The following RNGTT variants were observed in gnomAD, a reference collection of about 807,000 sequenced individuals.
RNGTT encodes mRNA-capping enzyme.
In RNGTT, 33 loss-of-function variants were observed where a neutral mutation model predicts 79.3. The ratio of observed to expected loss-of-function variants is 0.42; its 90% confidence interval spans 0.32 to 0.56. The LOEUF (loss-of-function observed/expected upper bound fraction) is 0.56, where lower values mean the gene tolerates loss of function less well. RNGTT is among the 20% of genes least tolerant of loss of function. The pLI is 0.17. For synonymous variants in RNGTT, 222 were observed against 235.9 expected (o/e 0.94, Z 0.54); for missense variants, 497 against 739.1 (o/e 0.67, Z 3.80).
intron 8 of RNGTT, among the ~76,000 whole-genome samples, chr6:88,883,514 A>T (rs1782758358): frequency 1.3e-5 from 2 of 152,196 alleles, no homozygotes. Context: ...GATCAGCATG[A>T]CTCAGTTCCA....
At chr6:88,761,268 T>C (rs2127836289) in intron 13 of RNGTT, among the ~76,000 whole-genome samples, 1 of 152,064 alleles carries the variant, frequency 6.6e-6, no homozygotes, top group South Asian at 2.1e-4. Context: ...GGCACGTGGA[T>C]CACTTGAGGT....
intron 14 of RNGTT, among the ~76,000 whole-genome samples, chr6:88,644,669 T>G (rs1773467666): frequency 6.6e-6 from 1 of 152,222 alleles, no homozygotes; most frequent in South Asian, 2.1e-4. Flanking sequence ...CAAGTGGGCT[T>G]CATCCCTGGG....
At chr6:88,961,560 C>G (rs759314335) in intron 1 of RNGTT, among the ~76,000 whole-genome samples, 3 of 152,152 alleles carry the variant, frequency 2.0e-5, no homozygotes, top group Non-Finnish European at 4.4e-5. Context: ...CCTCGGCCTC[C>G]CGAGTAGCTG....
intron 13 of RNGTT, among the ~76,000 whole-genome samples, chr6:88,738,865 CA>C (rs1777372554): frequency 1.8e-4 from 27 of 151,814 alleles, no homozygotes; most frequent in Admixed American, 1.2e-3. Flanking sequence ...CACACACACA[CA>C]CACCCCTTCC....
At chr6:88,893,092 C>A (rs971480525) in intron 6 of RNGTT, among the ~76,000 whole-genome samples, 3 of 152,052 alleles carry the variant, frequency 2.0e-5, no homozygotes, top group Admixed American at 1.3e-4. Flanking sequence ...CTGTTTAAAA[C>A]CATTTTTATC....
rs1365966787 is a variant in RNGTT at position 88,610,403 on chromosome 6, C to G, written c.*2316G>C. 1 of 152,598 alleles carries G rather than the reference C, an allele frequency of 6.6e-6. No individual in the cohort carries two copies. The highest frequency in any genetic ancestry group is 1.5e-5 in the Non-Finnish European group (1 of 68,032). 9.5% of individuals were successfully genotyped at this position (152,598 alleles called of 1,614,324 possible). A position where few individuals can be genotyped will look rare whatever the true frequency, so the allele number is the denominator to read the frequency against. On this transcript the variant is annotated 3_prime_UTR_variant, in exon 16 of 16. Coordinates refer to ENST00000369485, the MANE Select transcript of RNGTT (RefSeq NM_003800.5). ...GCAGTAGAGTCATCCACACCTTTTC[C>G]TAACAAAAAGCAAAAGCTTTCACAT...
chr6:88,918,706 G>A (rs1438842174), intron 4 of RNGTT, among the ~76,000 whole-genome samples: 3 of 152,068 alleles, frequency 2.0e-5, no homozygotes, highest in Non-Finnish European at 4.4e-5. Flanking sequence ...TGCTTTGTAA[G>A]AAAAAGTGCT....
intron 4 of RNGTT, among the ~76,000 whole-genome samples, chr6:88,928,433 A>G (rs1186870318): frequency 6.6e-6 from 1 of 152,158 alleles, no homozygotes. Flanking sequence ...CCACACTAGA[A>G]TATGAGCTCT....
intron 14 of RNGTT, among the ~76,000 whole-genome samples, chr6:88,663,660 C>G (rs552131946): frequency 6.6e-6 from 1 of 152,170 alleles, no homozygotes; most frequent in Non-Finnish European, 1.5e-5. Flanking sequence ...AAGCCCACAG[C>G]CCCTGAGCCT....
chr6:88,673,255 A>G (rs921284720), intron 14 of RNGTT, among the ~76,000 whole-genome samples: 2 of 152,244 alleles, frequency 1.3e-5, no homozygotes, highest in Non-Finnish European at 2.9e-5. Flanking sequence ...GTTCTTAAGA[A>G]AAGCAAAGCA....
chr6:88,785,556 T>C (rs1411698549), intron 12 of RNGTT, among the ~76,000 whole-genome samples: 1 of 152,046 alleles, frequency 6.6e-6, no homozygotes, highest in Admixed American at 6.6e-5. Context: ...CCTTGGAAAA[T>C]TATATTTTTC....
At chr6:88,760,382 C>T (rs1216439083) in intron 13 of RNGTT, among the ~76,000 whole-genome samples, 2 of 152,192 alleles carry the variant, frequency 1.3e-5, no homozygotes, top group African/African-American at 2.4e-5. Context: ...CTCCTAGGCA[C>T]ACTGGAAGTA....
chr6:88,775,930 T>A (rs998582306), intron 12 of RNGTT, among the ~76,000 whole-genome samples: 9 of 152,328 alleles, frequency 5.9e-5, no homozygotes, highest in African/African-American at 2.2e-4. Flanking sequence ...ATTTCTTAAT[T>A]CATTGACCCA....
At chr6:88,931,323 G>C (rs1582145386) in intron 2 of RNGTT, among the ~76,000 whole-genome samples, 2 of 151,978 alleles carry the variant, frequency 1.3e-5, no homozygotes, top group African/African-American at 4.8e-5. Flanking sequence ...GTGCAGGGGA[G>C]AACACAGCAA....
At chr6:88,953,311 T>TA (rs1304794561) in intron 1 of RNGTT, among the ~76,000 whole-genome samples, 12 of 152,018 alleles carry the variant, frequency 7.9e-5, no homozygotes, top group African/African-American at 2.7e-4. Flanking sequence ...AAGACACACT[T>TA]AGAGAAATAC....
chr6:88,821,413 T>C (rs1780492683), intron 11 of RNGTT, among the ~76,000 whole-genome samples: 1 of 152,060 alleles, frequency 6.6e-6, no homozygotes, highest in Non-Finnish European at 1.5e-5. Flanking sequence ...CTGAAAAATA[T>C]GCTATGCTAA....
chr6:88,924,010 C>A (rs1186815833), intron 4 of RNGTT, among the ~76,000 whole-genome samples: 1 of 152,176 alleles, frequency 6.6e-6, no homozygotes, highest in East Asian at 1.9e-4. Context: ...GGGAGGGGTA[C>A]TCAAGTTATC....
At chr6:88,846,883 T>C (rs1781501824) in intron 10 of RNGTT, among the ~76,000 whole-genome samples, 1 of 152,116 alleles carries the variant, frequency 6.6e-6, no homozygotes, top group African/African-American at 2.4e-5. Context: ...GACTCAACTA[T>C]ACCCAGGGAA....
chr6:88,614,276 G>A lies in RNGTT; in HGVS notation c.1626C>T (p.Ala542=), dbSNP rs759672910. ...CTGGTAAGTTGTCATACTCACCCATGGCAGTGTTGTAGGCATTAGGAAAAC... is the reference window on the plus strand; with the variant it reads ...CTGGTAAGTTGTCATACTCACCCATAGCAGTGTTGTAGGCATTAGGAAAAC... The part of the protein sequence containing the change: ...DKSFPNAYNT[A]MAVCNSISNP... Residue 542 remains alanine (A), a synonymous_variant, in exon 15 of 16, where the codon GCC becomes GCT. Coordinates refer to ENST00000369485, the MANE Select transcript of RNGTT (RefSeq NM_003800.5). 1 of 1,613,712 alleles carries A rather than the reference G, an allele frequency of 6.2e-7. No homozygotes were observed. Among genetic ancestry groups the A allele is most frequent in the Non-Finnish European group, 8.5e-7 (1 of 1,179,710 alleles).
Sources: gnomAD v4.1 joint callset for allele counts (sites outside exome capture counted in the v4.1 genomes callset) on GRCh38, gnomAD v4.1.1 for gene constraint, MANE v1.5 for transcripts, NCBI Gene and HGNC (gene_info 2026-07-23, HGNC 2026-07-21) for gene names.